Variants in IL1RAPL1 observed in about 807,000 individuals in gnomAD.
IL1RAPL1 encodes interleukin-1 receptor accessory protein-like 1.
Under a neutral mutation model 48.4 loss-of-function variants are expected in IL1RAPL1, and 3 were observed. The ratio of observed to expected loss-of-function variants is 0.06; its 90% CI spans 0.03 to 0.16. The LOEUF is 0.16. IL1RAPL1 is among the 10% of genes least tolerant of loss of function. The pLI, the probability that IL1RAPL1 is intolerant of heterozygous loss-of-function variation, is 1.00. For missense variants in IL1RAPL1, 349 were observed against 530.6 expected, an observed-to-expected ratio of 0.66 and a Z score of 3.36; for synonymous variants, 185 against 187.7, an observed-to-expected ratio of 0.99 and a Z score of 0.12.
chrX:29,892,229 A>C (rs1451662378), intron 6 of IL1RAPL1, among the ~76,000 whole-genome samples: 1 of 112,119 alleles, frequency 8.9e-6, no homozygotes, highest in Non-Finnish European at 1.9e-5. Flanking sequence ...TTCCTAAAGA[A>C]AGCATTTCAT....
intron 6 of IL1RAPL1, among the ~76,000 whole-genome samples, chrX:29,775,391 G>T (rs1168664387): frequency 9.0e-6 from 1 of 111,623 alleles, no homozygotes; most frequent in Non-Finnish European, 1.9e-5. Context: ...AGTTACTTGT[G>T]AGAAGCAAAA....
intron 2 of IL1RAPL1, among the ~76,000 whole-genome samples, chrX:28,845,382 TA>T (rs759371930): frequency 4.4e-4 from 49 of 111,576 alleles, no homozygotes; most frequent in Non-Finnish European, 8.1e-4. Flanking sequence ...TTGTACGTAT[TA>T]AAAAAATTTA....
chrX:28,828,718 T>C (rs1023881920), intron 2 of IL1RAPL1, among the ~76,000 whole-genome samples: 21 of 112,330 alleles, frequency 1.9e-4, no homozygotes, highest in African/African-American at 6.8e-4. Context: ...GTCTGTTCTT[T>C]TGTTCATACC....
At chrX:29,043,464 C>T (rs978165488) in intron 2 of IL1RAPL1, among the ~76,000 whole-genome samples, 2 of 110,235 alleles carry the variant, frequency 1.8e-5, no homozygotes, top group Non-Finnish European at 3.8e-5. Flanking sequence ...ACTTTTTTTC[C>T]GAGTCCACCA....
intron 6 of IL1RAPL1, among the ~76,000 whole-genome samples, chrX:29,693,037 G>T (rs999744670): frequency 6.2e-5 from 7 of 112,215 alleles, no homozygotes; most frequent in Non-Finnish European, 1.3e-4. Context: ...CGTTTCAGCT[G>T]CATGTTTATG....
At chrX:29,714,618 T>C (rs1927434319) in intron 6 of IL1RAPL1, among the ~76,000 whole-genome samples, 1 of 111,950 alleles carries the variant, frequency 8.9e-6, no homozygotes, top group Non-Finnish European at 1.9e-5. Flanking sequence ...CTGATTTTGT[T>C]TCTCTCTAAC....
intron 1 of IL1RAPL1, among the ~76,000 whole-genome samples, chrX:28,592,880 A>C (rs2146874537): frequency 8.9e-6 from 1 of 111,961 alleles, no homozygotes; most frequent in East Asian, 2.8e-4. Context: ...TATTAATAGC[A>C]AGCATTTTCT....
At chrX:29,588,764 G>A (rs779878161) in intron 5 of IL1RAPL1, among the ~76,000 whole-genome samples, 3 of 112,002 alleles carry the variant, frequency 2.7e-5, no homozygotes, top group Non-Finnish European at 5.6e-5. Flanking sequence ...AGCTCTAGGC[G>A]AATAGTCAGA....
At chrX:29,114,716 G>T (rs190112945) in intron 2 of IL1RAPL1, among the ~76,000 whole-genome samples, 1 of 110,526 alleles carries the variant, frequency 9.0e-6, no homozygotes, top group East Asian at 2.8e-4. Context: ...TGCAACCTCT[G>T]CCTTCTGATT....
intron 2 of IL1RAPL1, among the ~76,000 whole-genome samples, chrX:29,187,863 C>T (rs1482679309): frequency 9.0e-6 from 1 of 111,482 alleles, no homozygotes; most frequent in African/African-American, 3.3e-5. Context: ...TACATTCAAA[C>T]TGACATTGAC....
intron 6 of IL1RAPL1, among the ~76,000 whole-genome samples, chrX:29,762,501 C>T (rs1290816585): frequency 9.0e-6 from 1 of 111,013 alleles, no homozygotes; most frequent in Non-Finnish European, 1.9e-5. Flanking sequence ...TATGTCATTG[C>T]AAATCAAAGA....
At chrX:29,247,390 G>T (rs1931533761) in intron 2 of IL1RAPL1, among the ~76,000 whole-genome samples, 1 of 110,284 alleles carries the variant, frequency 9.1e-6, no homozygotes, top group Non-Finnish European at 1.9e-5. Flanking sequence ...ATGTCACACA[G>T]ATATTAAAGA....
At chrX:29,109,034 G>A (rs774282601) in intron 2 of IL1RAPL1, among the ~76,000 whole-genome samples, 1 of 110,322 alleles carries the variant, frequency 9.1e-6, no homozygotes, top group South Asian at 3.8e-4. Flanking sequence ...AATATAATAT[G>A]CAAACTAAAG....
At chrX:29,566,432 A>G (rs1166982045) in intron 5 of IL1RAPL1, among the ~76,000 whole-genome samples, 1 of 97,713 alleles carries the variant, frequency 1.0e-5, no homozygotes, top group African/African-American at 5.1e-5. Flanking sequence ...TCCATCTCAT[A>G]AAAAAAAAAT....
intron 3 of IL1RAPL1, 59 bp from the exon 4 acceptor site, chrX:29,396,199 T>C: frequency 1.0e-6 from 1 of 979,755 alleles, no homozygotes; most frequent in Non-Finnish European, 1.5e-6. Flanking sequence ...ATACACTGCC[T>C]TGGCAGCACT....
At chrX:29,659,224 T>G (rs938590631) in intron 5 of IL1RAPL1, among the ~76,000 whole-genome samples, 2 of 110,599 alleles carry the variant, frequency 1.8e-5, no homozygotes, top group Middle Eastern at 4.3e-3. Context: ...CGAAATAGAG[T>G]TGTTATGACC....
intron 2 of IL1RAPL1, among the ~76,000 whole-genome samples, chrX:28,850,472 G>A (rs1183743432): frequency 9.0e-6 from 1 of 110,900 alleles, no homozygotes; most frequent in Non-Finnish European, 1.9e-5. Context: ...ATGGCAATGT[G>A]AGCTCAAGAA....
At chrX:28,652,771 A>G (rs985334257) in intron 1 of IL1RAPL1, among the ~76,000 whole-genome samples, 3 of 109,808 alleles carry the variant, frequency 2.7e-5, no homozygotes, top group African/African-American at 1.0e-4. Context: ...ACAGCTGCAT[A>G]GCTGCATAAC....
intron 1 of IL1RAPL1, among the ~76,000 whole-genome samples, chrX:28,642,157 T>C (rs2146899234): frequency 9.0e-6 from 1 of 111,435 alleles, no homozygotes; most frequent in South Asian, 3.8e-4. Context: ...CCCAGATTCA[T>C]AAAGCAAGTT....
Sources: allele counts gnomAD v4.1 joint callset (sites outside exome capture counted in the v4.1 genomes callset), GRCh38; gene constraint gnomAD v4.1.1; transcripts MANE v1.5; gene names NCBI Gene and HGNC (gene_info 2026-07-23, HGNC 2026-07-21).